Variants in SLC9A9 observed in about 807,000 individuals in gnomAD.
The protein encoded by SLC9A9 is sodium/hydrogen exchanger 9.
In SLC9A9, 62 loss-of-function variants were observed where a neutral mutation model predicts 77.8. That is an observed-to-expected ratio of 0.80 (90% CI 0.65 to 0.98). SLC9A9 has a LOEUF of 0.98. Among genes scored for constraint, SLC9A9 ranks in the 50% least tolerant of loss-of-function variants. SLC9A9 has a pLI of 0.00. For missense variants in SLC9A9, 775 were observed against 774.9 expected (o/e 1.00, Z 0.00); for synonymous variants, 320 against 283.5 (o/e 1.13, Z -1.29).
intron 6 of SLC9A9, among the ~76,000 whole-genome samples, chr3:143,637,512 C>A (rs1338991439): frequency 6.6e-6 from 1 of 152,016 alleles, no homozygotes; most frequent in East Asian, 1.9e-4. Context: ...ATTTATATTT[C>A]AAATTTCAGC....
At chr3:143,584,366 C>T (rs1428540284) in intron 6 of SLC9A9, among the ~76,000 whole-genome samples, 1 of 152,212 alleles carries the variant, frequency 6.6e-6, no homozygotes, top group Non-Finnish European at 1.5e-5. Context: ...CCTACTCACC[C>T]TCCTGGGTGC....
chr3:143,755,729 G>T (rs1220555317), intron 4 of SLC9A9, among the ~76,000 whole-genome samples: 1 of 151,916 alleles, frequency 6.6e-6, no homozygotes, highest in Non-Finnish European at 1.5e-5. Context: ...CTTCCAAAAG[G>T]ATTTTGAAGT....
At chr3:143,473,354 C>A (rs1481345050) in intron 11 of SLC9A9, among the ~76,000 whole-genome samples, 1 of 152,194 alleles carries the variant, frequency 6.6e-6, no homozygotes, top group African/African-American at 2.4e-5. Context: ...CCCAGAGATA[C>A]CTCTCACTCA....
chr3:143,803,788 C>T (rs1237049333), intron 2 of SLC9A9, among the ~76,000 whole-genome samples: 1 of 152,104 alleles, frequency 6.6e-6, no homozygotes, highest in African/African-American at 2.4e-5. Flanking sequence ...TCTTCCAGCG[C>T]CTACACAGCT....
intron 14 of SLC9A9, among the ~76,000 whole-genome samples, chr3:143,356,378 T>C (rs904262217): frequency 1.3e-5 from 2 of 152,160 alleles, no homozygotes; most frequent in African/African-American, 4.8e-5. Flanking sequence ...ATTCCTATTA[T>C]GTGGAAGAAG....
intron 14 of SLC9A9, among the ~76,000 whole-genome samples, chr3:143,341,039 A>C (rs2032081919): frequency 1.3e-5 from 2 of 152,240 alleles, no homozygotes; most frequent in Non-Finnish European, 2.9e-5. Context: ...AGAAATCTTT[A>C]AAATTTTTAA....
chr3:143,467,186 C>T lies in SLC9A9; in HGVS notation c.1320G>A (p.Leu440=). ...CTAAGGCAAATGCGATCGCTCCTCG[C>T]AAACCTTGCAGGAAAAACCAAAGGA... ...NFQHMMMFSG[L]RGAIAFALAI... The change falls in exon 12 of 16, where the codon TTG becomes TTA. Residue 440 remains leucine (L), a synonymous_variant. Transcript: ENST00000316549. The T allele has an allele frequency of 3.1e-6, 5 of 1,614,166 alleles. No homozygotes were observed. The highest frequency in any genetic ancestry group is 4.2e-6 in the Non-Finnish European group (5 of 1,180,012).
At chr3:143,751,364 A>C (rs906533854) in intron 4 of SLC9A9, among the ~76,000 whole-genome samples, 1 of 152,082 alleles carries the variant, frequency 6.6e-6, no homozygotes, top group Non-Finnish European at 1.5e-5. Context: ...TATTCCCCCC[A>C]CTGCGGCAAA....
intron 3 of SLC9A9, among the ~76,000 whole-genome samples, chr3:143,795,708 A>T (rs1386055446): frequency 6.6e-6 from 1 of 152,206 alleles, no homozygotes; most frequent in Non-Finnish European, 1.5e-5. Flanking sequence ...CAGCCTGGGC[A>T]AAAGAGGGAG....
intron 14 of SLC9A9, among the ~76,000 whole-genome samples, chr3:143,333,946 G>A (rs1201033794): frequency 6.6e-6 from 1 of 152,114 alleles, no homozygotes; most frequent in African/African-American, 2.4e-5. Flanking sequence ...GGAAGTGAAG[G>A]TGAAGTTGCA....
Position 143,421,900 on chromosome 3 carries a change from C to T in SLC9A9, c.1470-39786G>A, listed in dbSNP as rs552347613. Among the ~76,000 whole-genome samples, 42 of 152,132 alleles carry T rather than the reference C, an allele frequency of 2.8e-4. No homozygotes were observed. In the South Asian group the frequency reaches 6.4e-3, roughly 23 times the overall value. On this transcript the variant is annotated intron_variant, in intron 12 of 15. Transcript: ENST00000316549. ...CTTAAACAACCAAACAAGCAAAAAA[C>T]GAATAATCCCATGAAAAAGTGGACA...
At chr3:143,593,405 C>T (rs532791217) in intron 6 of SLC9A9, among the ~76,000 whole-genome samples, 1 of 152,300 alleles carries the variant, frequency 6.6e-6, no homozygotes, top group South Asian at 2.1e-4. Flanking sequence ...CCAGGTGGAA[C>T]CAAGGGTATA....
intron 9 of SLC9A9, among the ~76,000 whole-genome samples, chr3:143,536,991 C>T (rs2036600914): frequency 6.6e-6 from 1 of 152,070 alleles, no homozygotes; most frequent in Non-Finnish European, 1.5e-5. Context: ...GAGCCACTGG[C>T]CAGCAAGATT....
intron 9 of SLC9A9, among the ~76,000 whole-genome samples, chr3:143,502,611 C>T (rs1321261964): frequency 2.0e-5 from 3 of 152,012 alleles, no homozygotes; most frequent in Non-Finnish European, 2.9e-5. Flanking sequence ...TTCAATATAC[C>T]TGGCTAATAC....
chr3:143,470,561 A>G (rs2035361294), intron 11 of SLC9A9, among the ~76,000 whole-genome samples: 1 of 152,128 alleles, frequency 6.6e-6, no homozygotes, highest in South Asian at 2.1e-4. Flanking sequence ...AGAAATGTCC[A>G]TAAAGCAGCA....
At chr3:143,429,856 T>C (rs1172271407) in intron 12 of SLC9A9, among the ~76,000 whole-genome samples, 1 of 152,204 alleles carries the variant, frequency 6.6e-6, no homozygotes, top group Non-Finnish European at 1.5e-5. Context: ...CAAGTTGTGT[T>C]CTCTCACTTG....
intron 9 of SLC9A9, among the ~76,000 whole-genome samples, chr3:143,521,954 C>T (rs2036307401): frequency 6.6e-6 from 1 of 152,062 alleles, no homozygotes. Flanking sequence ...GGATTGTGAG[C>T]TCGTGTTGGT....
At chr3:143,744,314 A>G (rs1406850579) in intron 4 of SLC9A9, among the ~76,000 whole-genome samples, 1 of 152,164 alleles carries the variant, frequency 6.6e-6, no homozygotes, top group Non-Finnish European at 1.5e-5. Flanking sequence ...AACCCTGGGC[A>G]TATGGCCACT....
At chr3:143,293,746 T>C (rs2030122201) in intron 14 of SLC9A9, among the ~76,000 whole-genome samples, 1 of 152,188 alleles carries the variant, frequency 6.6e-6, no homozygotes, top group Admixed American at 6.5e-5. Flanking sequence ...ACTCAAGCAT[T>C]GGGTAGTCTC....
Sources: allele counts gnomAD v4.1 joint callset (sites outside exome capture counted in the v4.1 genomes callset), GRCh38; gene constraint gnomAD v4.1.1; transcripts MANE v1.5; gene names NCBI Gene and HGNC (gene_info 2026-07-23, HGNC 2026-07-21).